Variants in NEIL1 observed in about 807,000 individuals in gnomAD.
NEIL1 encodes endonuclease 8-like 1.
A neutral mutation model predicts 44.2 loss-of-function variants in NEIL1; 31 were observed. The observed-to-expected ratio is 0.70, with a 90% CI of 0.53 to 0.95. NEIL1 has a LOEUF of 0.95. Among genes scored for constraint, NEIL1 ranks in the 40% least tolerant of loss-of-function variants. The probability of loss-of-function intolerance (pLI) is 0.00; values close to 1 mark genes in which losing one functional copy is unlikely to be tolerated. For missense variants in NEIL1, 549 were observed against 515.5 expected, an observed-to-expected ratio of 1.07 and a Z score of -0.63; for synonymous variants, 254 against 209.7, an observed-to-expected ratio of 1.21 and a Z score of -1.83.
At chr15:75,348,159 C>A in intron 1 of NEIL1, 1 of 708,068 alleles carries the variant, frequency 1.4e-6, no homozygotes, top group South Asian at 3.5e-5. Context: ...TGGGGAGCGG[C>A]TCCAGCGCAT....
rs776629646 is a variant in NEIL1 at position 75,356,195 on chromosome 15, A to AGCG, written c.*1165_*1167dup. 6.2e-7 allele frequency: 1 copy of AGCG among 1,613,382 alleles called. No homozygotes were observed. The highest frequency in any genetic ancestry group is 8.5e-7 in the Non-Finnish European group (1 of 1,179,920). On this transcript the variant is annotated 3_prime_UTR_variant, in exon 10 of 10. Coordinates refer to ENST00000355059, the MANE Select transcript of NEIL1 (RefSeq NM_024608.4). The surrounding 1 kb of genome is among the most constrained non-coding windows in gnomAD (Gnocchi z 5.8). ...GCCTCATACAGCCTCAGGACCAGCG[A>AGCG]GCGGCGCTGGGGGCTGCTCTCCGCC...
rs145490011 is a variant in NEIL1, at chr15:75,347,243, C to G, written c.-253C>G. On this transcript the variant is annotated 5_prime_UTR_variant, in exon 1 of 10. Coordinates refer to ENST00000355059, the MANE Select transcript of NEIL1 (RefSeq NM_024608.4). The stretch of plus-strand genomic sequence containing the variant: ...GGTGCTTAAGATCCCCACCGGGTCC[C>G]TAGGGCCTGTGCGTACCGCGCACCT... The G allele has an allele frequency of 6.6e-6, 1 of 152,554 alleles. No individual in the cohort carries two copies. Among genetic ancestry groups the G allele is most frequent in the Non-Finnish European group, 1.5e-5 (1 of 68,104 alleles). The allele number at this position is 152,554 out of a possible 1,614,324, so 9.5% of individuals were successfully genotyped here.
intron 1 of NEIL1, 186 bp downstream of exon 1, chr15:75,347,659 G>A (rs556670147): frequency 7.0e-6 from 2 of 285,924 alleles, no homozygotes; most frequent in South Asian, 1.8e-4. Context: ...ACGGAGTGCG[G>A]GTTCCCGGGG....
intron 5 of NEIL1, chr15:75,353,265 AT>A: frequency 4.1e-6 from 1 of 246,432 alleles, no homozygotes; most frequent in Non-Finnish European, 8.2e-6. Context: ...GTTTATATAT[AT>A]TTTTGGTAGA....
At position 75,348,686 on chromosome 15, in the gene NEIL1, A is replaced by T. The variant is rs563084938; in HGVS notation, c.-22-198A>T. 2.8e-6 allele frequency: 4 copies of T among 1,427,894 alleles called. No homozygotes were observed. In the South Asian group the frequency reaches 6.1e-5, roughly 22 times the overall value. 88.5% of individuals were successfully genotyped at this position (1,427,894 alleles called of 1,614,324 possible). A position where few individuals can be genotyped will look rare whatever the true frequency, so the allele number is the denominator to read the frequency against. On this transcript the variant is annotated intron_variant, in intron 1 of 9. Transcript: ENST00000355059. ...AGAGTCCTGCTCCCTCTGCAGCCCC[A>T]GCTCCCAGCGCCCTGGGCTTTCCAG...
At position 75,356,549 on chromosome 15, in the gene NEIL1, G is replaced by A. The variant is rs2141323060; in HGVS notation, c.*1515G>A. On this transcript the variant is annotated 3_prime_UTR_variant, in exon 10 of 10. Transcript: ENST00000355059. The surrounding 1 kb of genome is among the most constrained non-coding windows in gnomAD (Gnocchi z 5.8). ...CCAGGTTGCTGGGGTTTGGGCTCAG[G>A]GAAGGGCAGAGAGGTGTCTAGGGCT... is the stretch of plus-strand genomic sequence containing the variant. 2 of 1,550,494 alleles carry A rather than the reference G, an allele frequency of 1.3e-6. No homozygotes were observed. The highest frequency in any genetic ancestry group is 1.7e-6 in the Non-Finnish European group (2 of 1,145,636).
rs373115647 is a variant in NEIL1 at position 75,356,848 on chromosome 15, G to A, written c.*1814G>A. On this transcript the variant is annotated 3_prime_UTR_variant, in exon 10 of 10. Transcript: ENST00000355059. The surrounding 1 kb of genome is among the most constrained non-coding windows in gnomAD (Gnocchi z 5.8). ...GACGCGCCATACTTGCAGTCGTTGA[G>A]CAGGGCCAGCCCAAAGCCGTGTTCT... is the stretch of plus-strand genomic sequence containing the variant. 210 of 1,614,042 alleles carry A rather than the reference G, an allele frequency of 1.3e-4. No homozygotes were observed. The highest frequency in any genetic ancestry group is 1.7e-4 in the Non-Finnish European group (202 of 1,180,056).
At position 75,350,033 on chromosome 15, in the gene NEIL1, G is replaced by A. The variant is rs2071759520; in HGVS notation, c.434+694G>A. Among the ~76,000 whole-genome samples, 4 of 152,342 alleles carry A rather than the reference G, an allele frequency of 2.6e-5. No homozygotes were observed. In the East Asian group the frequency reaches 5.8e-4, roughly 22 times the overall value. On this transcript the variant is annotated intron_variant, in intron 2 of 9. Transcript: ENST00000355059. ...GAGCGGAATTGTTTCAAGGGGATGG[G>A]GAGGGGACTATCTCATGACATGGCT...
Position 75,356,788 on chromosome 15 carries a change from C to T in NEIL1, c.*1754C>T. On this transcript the variant is annotated 3_prime_UTR_variant, in exon 10 of 10. Coordinates refer to ENST00000355059, the MANE Select transcript of NEIL1 (RefSeq NM_024608.4). This position sits in a 1 kb window ranked among gnomAD's most constrained non-coding sequence, Gnocchi z 5.8. ...GCTCCCAGGCCTGGTGGGTACCCCA[C>T]TTACAGCGAGAGGCTGAGGATGCTG... The T allele has an allele frequency of 6.2e-7, 1 of 1,614,026 alleles. No homozygotes were observed. Among genetic ancestry groups the T allele is most frequent in the African/African-American group, 1.3e-5 (1 of 75,074 alleles).
rs746657168 is a variant in NEIL1 at position 75,356,590 on chromosome 15, C to T, written c.*1556C>T. ...GTCTAGGGCTGCAGGAAGGCCCCAC[C>T]GTCCCCAGCACTCACCCTTGTGCGG... On this transcript the variant is annotated 3_prime_UTR_variant, in exon 10 of 10. Coordinates refer to ENST00000355059, the MANE Select transcript of NEIL1 (RefSeq NM_024608.4). This position sits in a 1 kb window ranked among gnomAD's most constrained non-coding sequence, Gnocchi z 5.8. The T allele has an allele frequency of 1.6e-4, 248 of 1,554,124 alleles. No homozygotes were observed. The highest frequency in any genetic ancestry group is 3.7e-4 in the Admixed American group (19 of 51,192).
intron 1 of NEIL1, chr15:75,347,847 C>T (rs927987148): frequency 5.1e-6 from 6 of 1,187,824 alleles, no homozygotes; most frequent in Non-Finnish European, 6.5e-6. Flanking sequence ...TTTGGAGCCT[C>T]ACGTTCTCCC....
intron 2 of NEIL1, among the ~76,000 whole-genome samples, chr15:75,350,396 T>C (rs1198884191): frequency 1.3e-5 from 2 of 151,622 alleles, no homozygotes; most frequent in Non-Finnish European, 2.9e-5. Flanking sequence ...GTGAAGGAGG[T>C]AGAGGATGAC....
At chr15:75,349,386 C>G in intron 2 of NEIL1, 47 bp downstream of exon 2, 1 of 1,530,626 alleles carries the variant, frequency 6.5e-7, no homozygotes, top group Non-Finnish European at 8.8e-7. Flanking sequence ...GGCTCCACAC[C>G]TGACTCTCTT....
At chr15:75,348,368 G>A (rs568650789) in intron 1 of NEIL1, 35 of 984,606 alleles carry the variant, frequency 3.6e-5, no homozygotes, top group Non-Finnish European at 4.0e-5. Flanking sequence ...TCCTAAGTGT[G>A]GGGGGAGGGG....
Position 75,354,993 on chromosome 15 carries a change from G to A in NEIL1, c.1132G>A (p.Asp378Asn). The A allele has an allele frequency of 6.2e-7, 1 of 1,614,084 alleles. No homozygotes were observed. ...GHCRPRKVKA[D>N]IPSLEPEGTS... ...CTGCAGACCCCGGAAGGTCAAGGCT[G>A]ACATCCCATCCTTGGAACCAGAGGG... Residue 378 changes from aspartate to asparagine, a missense_variant, in exon 10 of 10, where the codon GAC becomes AAC. By Grantham distance (23) the Asp-to-Asn change is conservative (BLOSUM62 1). Transcript: ENST00000355059.
At chr15:75,352,734 A>G in intron 5 of NEIL1, 33 bp downstream of exon 5, 1 of 1,543,182 alleles carries the variant, frequency 6.5e-7, no homozygotes, top group Non-Finnish European at 8.9e-7. Context: ...CCTCTGCTTC[A>G]GCAAATGATT....
At chr15:75,350,416 G>C (rs2071792945) in intron 2 of NEIL1, among the ~76,000 whole-genome samples, 4 of 152,170 alleles carry the variant, frequency 2.6e-5, no homozygotes, top group African/African-American at 9.7e-5. Flanking sequence ...CTTGGCCGAG[G>C]GTGGGGGTAC....
At position 75,356,605 on chromosome 15, in the gene NEIL1, C is replaced by A. The variant is rs1028837780; in HGVS notation, c.*1571C>A. 1 of 1,559,140 alleles carries A rather than the reference C, an allele frequency of 6.4e-7. No individual in the cohort carries two copies. The highest frequency in any genetic ancestry group is 1.4e-5 in the African/African-American group (1 of 73,814). On this transcript the variant is annotated 3_prime_UTR_variant, in exon 10 of 10. Coordinates refer to ENST00000355059, the MANE Select transcript of NEIL1 (RefSeq NM_024608.4). The surrounding 1 kb of genome is among the most constrained non-coding windows in gnomAD (Gnocchi z 5.8). ...AAGGCCCCACCGTCCCCAGCACTCA[C>A]CCTTGTGCGGCATCAGTGCATAGGT...
chr15:75,355,343 G>A lies in NEIL1; in HGVS notation c.*309G>A, dbSNP rs1194298823. On this transcript the variant is annotated 3_prime_UTR_variant, in exon 10 of 10. Transcript: ENST00000355059. ...CCCAGCTCCTCACAAGGCAAACTGA[G>A]CCCCCATCCCAGTCCTCAAGGCTCT... The A allele has an allele frequency of 5.6e-6, 2 of 355,284 alleles. No homozygotes were observed. The highest frequency in any genetic ancestry group is 4.5e-5 in the Admixed American group (1 of 22,128). 22.0% of individuals were successfully genotyped at this position (355,284 alleles called of 1,614,324 possible). A position where few individuals can be genotyped will look rare whatever the true frequency, so the allele number is the denominator to read the frequency against.
Sources: gnomAD v4.1 joint callset for allele counts (sites outside exome capture counted in the v4.1 genomes callset) on GRCh38, gnomAD v4.1.1 for gene constraint, Gnocchi (gnomAD v3.1) non-coding constraint, MANE v1.5 for transcripts, NCBI Gene and HGNC (gene_info 2026-07-23, HGNC 2026-07-21) for gene names.